SHTN1: variants seen among roughly 807,000 people sequenced by gnomAD.
SHTN1 encodes shootin 1.
SHTN1 carries 42 observed loss-of-function variants against 83.1 expected under a neutral mutation model. The observed-to-expected ratio is 0.51, with a 90% CI of 0.39 to 0.65. SHTN1 has a LOEUF of 0.65. Ranked by LOEUF, SHTN1 falls within the 30% of genes least tolerant of loss-of-function variation. The pLI is 0.00. For missense variants in SHTN1, 622 were observed against 737.8 expected (o/e 0.84, Z 1.82); for synonymous variants, 224 against 247.7 (o/e 0.90, Z 0.90).
At chr10:116,918,552 G>T (rs569279415) in intron 12 of SHTN1, among the ~76,000 whole-genome samples, 1 of 152,232 alleles carries the variant, frequency 6.6e-6, no homozygotes, top group East Asian at 1.9e-4. Flanking sequence ...CTGACATCAG[G>T]TCATAAAGTT....
At chr10:117,098,903 T>C (rs987828516) in intron 1 of SHTN1, among the ~76,000 whole-genome samples, 3 of 151,974 alleles carry the variant, frequency 2.0e-5, no homozygotes, top group Non-Finnish European at 2.9e-5. Context: ...TTTATCTCGA[T>C]CCTTAAAAGA....
At chr10:116,974,867 T>C (rs1850742742) in intron 2 of SHTN1, among the ~76,000 whole-genome samples, 1 of 147,304 alleles carries the variant, frequency 6.8e-6, no homozygotes, top group Admixed American at 7.0e-5. Context: ...ATGATAAAGA[T>C]CCTGAGTGAG....
chr10:117,089,633 G>A (rs530516008), intron 1 of SHTN1, among the ~76,000 whole-genome samples: 317 of 152,154 alleles, frequency 2.1e-3, no homozygotes, highest in Non-Finnish European at 4.0e-3. Context: ...TCAAAGGACA[G>A]TATCAACAGA....
chr10:117,046,410 C>A (rs1352986774), intron 2 of SHTN1, among the ~76,000 whole-genome samples: 1 of 152,152 alleles, frequency 6.6e-6, no homozygotes, highest in East Asian at 1.9e-4. Flanking sequence ...TTGGAAGCAT[C>A]ATACATTGCC....
intron 2 of SHTN1, among the ~76,000 whole-genome samples, chr10:117,039,850 CA>C (rs71013633): frequency 0.68 from 87,551 of 129,608 alleles, 30,855 homozygotes; most frequent in Middle Eastern, 0.83. Context: ...GAGACTCCAT[CA>C]AAAAAAAAAA....
At chr10:117,077,341 T>C (rs962499831) in intron 1 of SHTN1, among the ~76,000 whole-genome samples, 12 of 152,166 alleles carry the variant, frequency 7.9e-5, no homozygotes, top group Non-Finnish European at 1.5e-4. Flanking sequence ...TAGAGGTATG[T>C]GTGTGGAGAA....
chr10:116,945,345 A>G (rs1243300227), intron 7 of SHTN1, among the ~76,000 whole-genome samples: 2 of 152,240 alleles, frequency 1.3e-5, no homozygotes, highest in Admixed American at 6.5e-5. Flanking sequence ...ATAATACTCT[A>G]ACACAGAAGA....
chr10:117,048,940 A>C (rs889156915), intron 1 of SHTN1, among the ~76,000 whole-genome samples: 1 of 152,226 alleles, frequency 6.6e-6, no homozygotes, highest in African/African-American at 2.4e-5. Flanking sequence ...AACCTGTATC[A>C]GTTCTTGATT....
At chr10:116,976,927 G>A (rs1004222491) in intron 2 of SHTN1, among the ~76,000 whole-genome samples, 1 of 152,156 alleles carries the variant, frequency 6.6e-6, no homozygotes, top group Non-Finnish European at 1.5e-5. Flanking sequence ...ACAGAAGCAG[G>A]TCAATAATGC....
At chr10:117,047,967 C>A (rs1317321123) in intron 2 of SHTN1, among the ~76,000 whole-genome samples, 1 of 151,326 alleles carries the variant, frequency 6.6e-6, no homozygotes, top group Non-Finnish European at 1.5e-5. Context: ...TCTCTGAAAC[C>A]AAAGAGAGTT....
chr10:116,973,832 A>G, intron 2 of SHTN1: 1 of 1,245,506 alleles, frequency 8.0e-7, no homozygotes, highest in Non-Finnish European at 1.1e-6. Flanking sequence ...CAGCATCAGA[A>G]TTGTGTGTAC....
chr10:116,960,264 C>A, intron 3 of SHTN1, 34 bp from the exon 4 acceptor site: 1 of 1,202,350 alleles, frequency 8.3e-7, no homozygotes, highest in South Asian at 1.2e-5. Flanking sequence ...TCTCAGCATT[C>A]AAAGATTAGT....
intron 1 of SHTN1, among the ~76,000 whole-genome samples, chr10:117,089,972 T>C (rs1296590700): frequency 1.3e-5 from 2 of 152,130 alleles, no homozygotes; most frequent in Non-Finnish European, 2.9e-5. Flanking sequence ...TTGTACACTG[T>C]TGGCGAGAAT....
chr10:117,041,984 A>T (rs1183482702), intron 2 of SHTN1, among the ~76,000 whole-genome samples: 1 of 152,230 alleles, frequency 6.6e-6, no homozygotes, highest in East Asian at 1.9e-4. Flanking sequence ...TACTTGTCAG[A>T]ACTGCAGTTT....
At position 116,968,700 on chromosome 10, in the gene SHTN1, T is replaced by C; in HGVS notation, c.124A>G (p.Arg42Gly). 5 of 1,611,830 alleles carry C rather than the reference T, an allele frequency of 3.1e-6. No individual in the cohort carries two copies. Among genetic ancestry groups the C allele is most frequent in the Non-Finnish European group, 4.2e-6 (5 of 1,178,486 alleles). The change falls in exon 3 of 17, where the codon AGG becomes GGG. Residue 42 changes from arginine (R) to glycine (G), a missense_variant. Coordinates refer to ENST00000355371, the MANE Select transcript of SHTN1 (RefSeq NM_001127211.3). ...QKTKEKCDKI[R>G]QERDEAVKKL... ...TTAACGGCTTCATCTCGTTCTTGCC[T>C]AATTTTGTCACACTGAAATGAGAGA...
chr10:116,887,409 C>T (rs2133296372), intron 16 of SHTN1, among the ~76,000 whole-genome samples: 1 of 152,246 alleles, frequency 6.6e-6, no homozygotes, highest in South Asian at 2.1e-4. Context: ...AGGGCTGGGG[C>T]TTTCGGACTT....
chr10:116,892,461 A>C (rs1847368405), intron 16 of SHTN1, among the ~76,000 whole-genome samples: 1 of 152,202 alleles, frequency 6.6e-6, no homozygotes, highest in Non-Finnish European at 1.5e-5. Context: ...AAATCCACTC[A>C]GATTCCAGCT....
At chr10:117,003,492 G>A (rs908285478) in intron 1 of SHTN1, among the ~76,000 whole-genome samples, 2 of 151,452 alleles carry the variant, frequency 1.3e-5, no homozygotes, top group African/African-American at 4.9e-5. Flanking sequence ...TTTCCCCAGG[G>A]TCACACAGTA....
chr10:116,987,028 A>G (rs1230241644), intron 1 of SHTN1, among the ~76,000 whole-genome samples: 2 of 151,800 alleles, frequency 1.3e-5, no homozygotes, highest in Non-Finnish European at 2.9e-5. Context: ...TGCCCGGCCT[A>G]TTTTTTTAAA....
Sources: allele counts gnomAD v4.1 joint callset (sites outside exome capture counted in the v4.1 genomes callset), GRCh38; gene constraint gnomAD v4.1.1; transcripts MANE v1.5; gene names NCBI Gene and HGNC (gene_info 2026-07-23, HGNC 2026-07-21).